TCTN1: variants seen among roughly 807,000 people sequenced by gnomAD.
TCTN1 encodes tectonic-1.
Under a neutral mutation model 65.8 loss-of-function variants are expected in TCTN1, and 58 were observed. That is an observed-to-expected ratio of 0.88 (90% confidence interval 0.71 to 1.10). The LOEUF (loss-of-function observed/expected upper bound fraction) is 1.10, where lower values mean the gene tolerates loss of function less well. Among genes scored for constraint, TCTN1 ranks in the 50% least tolerant of loss-of-function variants. The pLI, the probability that TCTN1 is intolerant of heterozygous loss-of-function variation, is 0.00. For synonymous variants in TCTN1, 273 were observed against 289.1 expected (o/e 0.94, Z 0.57); for missense variants, 645 against 719.4 (o/e 0.90, Z 1.18).
Position 110,644,378 on chromosome 12 carries a change from A to T in TCTN1, c.1332-589A>T, listed in dbSNP as rs2067158860. On this transcript the variant is annotated intron_variant, in intron 11 of 14. Transcript: ENST00000397659. The surrounding 1 kb of genome is among the most constrained non-coding windows in gnomAD (Gnocchi z 4.6). ...GAGAAGATAATGAAACTGGGAAGGA[A>T]TGGAACTGCTCGTGGGGCTGAGAGC... 6.3e-6 allele frequency: 1 copy of T among 159,552 alleles called. No homozygotes were observed. The highest frequency in any genetic ancestry group is 2.4e-5 in the African/African-American group (1 of 41,484). 9.9% of individuals were successfully genotyped at this position (159,552 alleles called of 1,614,324 possible). A position where few individuals can be genotyped will look rare whatever the true frequency, so the allele number is the denominator to read the frequency against.
In TCTN1 at chr12:110,626,455, G is replaced by GA. The variant is rs2065847886; in HGVS notation, c.436dup (p.Ile146AsnfsTer2). 1 of 1,612,484 alleles carries GA rather than the reference G, an allele frequency of 6.2e-7. No homozygotes were observed. Among genetic ancestry groups the GA allele is most frequent in the Admixed American group, 1.7e-5 (1 of 59,950 alleles). ...AAAGAGTATTTGAACTTGTTGACCA[G>GA]ATTAATCCATCTATTTTCTGCATTC... is the stretch of plus-strand genomic sequence containing the variant. On this transcript the variant is annotated frameshift_variant, in exon 3 of 15. Transcript: ENST00000397659. LOFTEE classifies it high-confidence loss of function.
At chr12:110,618,271 C>T (rs1299250120) in intron 1 of TCTN1, among the ~76,000 whole-genome samples, 1 of 151,044 alleles carries the variant, frequency 6.6e-6, no homozygotes, top group East Asian at 2.0e-4. Flanking sequence ...GATGGAGTCT[C>T]GCTCTGTCGC....
At chr12:110,636,577 A>G (rs1425984017) in intron 7 of TCTN1, 76 bp downstream of exon 7, 2 of 914,180 alleles carry the variant, frequency 2.2e-6, no homozygotes, top group Non-Finnish European at 1.7e-6. Flanking sequence ...GCCCTTTTAA[A>G]TGAATACAGT....
At chr12:110,636,608 G>C in intron 7 of TCTN1, 107 bp downstream of exon 7, 1 of 682,618 alleles carries the variant, frequency 1.5e-6, no homozygotes. Context: ...AGGGGACCTT[G>C]TTGCTAATAG....
At position 110,636,485 on chromosome 12, in the gene TCTN1, C is replaced by G; in HGVS notation, c.827C>G (p.Pro276Arg). 7.3e-7 allele frequency: 1 copy of G among 1,369,574 alleles called. No individual in the cohort carries two copies. The highest frequency in any genetic ancestry group is 1.2e-5 in the South Asian group (1 of 85,956). 84.8% of individuals were successfully genotyped at this position (1,369,574 alleles called of 1,614,324 possible). The change falls in exon 7 of 15, where the codon CCT becomes CGT. Residue 276 changes from proline (P) to arginine (R), a missense_variant. Pro to Arg is a moderately radical substitution (Grantham distance 103). Coordinates refer to ENST00000397659, the MANE Select transcript of TCTN1 (RefSeq NM_001082538.3). ...FYSSPEILRV[P>R]DSRKKVPITV... ...TTGTGGTTTCTTTTTATCTAGGTAC[C>G]TGATTCAAGAAAAAAGGTAAGAGTA...
Position 110,644,873 on chromosome 12 carries a change from A to G in TCTN1, c.1332-94A>G. ...AGAGTGAGACCTTATCTCAAAAATA[A>G]ATAAACAAAGGGAAGGAAAGGAAGA... On this transcript the variant is annotated intron_variant, in intron 11 of 14. Transcript: ENST00000397659. This position sits in a 1 kb window ranked among gnomAD's most constrained non-coding sequence, Gnocchi z 4.6. The G allele has an allele frequency of 6.5e-7, 1 of 1,548,090 alleles. No homozygotes were observed. The highest frequency in any genetic ancestry group is 1.7e-5 in the Admixed American group (1 of 59,814).
At chr12:110,648,827 T>C in intron 14 of TCTN1, 7 of 345,354 alleles carry the variant, frequency 2.0e-5, no homozygotes, top group South Asian at 1.6e-4. Context: ...TTTTATTTTA[T>C]ACAGTAGTTG....
chr12:110,614,484 GCTAA>G, intron 1 of TCTN1, 82 bp downstream of exon 1: 2 of 1,546,450 alleles, frequency 1.3e-6, no homozygotes, highest in Non-Finnish European at 1.7e-6. Flanking sequence ...AATAATGATA[GCTAA>G]CTCTTATTGA....
chr12:110,629,555 G>T (rs1444187824), intron 4 of TCTN1: 1 of 152,198 alleles, frequency 6.6e-6, no homozygotes, highest in Non-Finnish European at 1.5e-5. Context: ...ACCATCTCAC[G>T]CCAGTTAGAA....
chr12:110,616,971 T>C (rs1233649664), intron 1 of TCTN1: 2 of 152,264 alleles, frequency 1.3e-5, no homozygotes, highest in Non-Finnish European at 2.9e-5. Flanking sequence ...GCTCAACAGC[T>C]ACTTGGTGGA....
chr12:110,649,170 T>G lies in TCTN1; in HGVS notation c.*129T>G. 1 of 680,422 alleles carries G rather than the reference T, an allele frequency of 1.5e-6. No homozygotes were observed. The highest frequency in any genetic ancestry group is 2.7e-6 in the Non-Finnish European group (1 of 376,608). 42.1% of individuals were successfully genotyped at this position (680,422 alleles called of 1,614,324 possible). ...TGCTCATTTTCAATTAAGGCTAAAG[T>G]GTTCAACATGAGAAAATGTGATACA... On this transcript the variant is annotated 3_prime_UTR_variant, in exon 15 of 15. Coordinates refer to ENST00000397659, the MANE Select transcript of TCTN1 (RefSeq NM_001082538.3).
chr12:110,624,796 G>A (rs929652870), intron 2 of TCTN1, among the ~76,000 whole-genome samples: 4 of 152,140 alleles, frequency 2.6e-5, no homozygotes, highest in Middle Eastern at 3.4e-3. Flanking sequence ...TGGCCAGGCT[G>A]GTCTTGAATG....
chr12:110,628,520 T>C (rs2066003034), intron 3 of TCTN1, among the ~76,000 whole-genome samples: 1 of 152,046 alleles, frequency 6.6e-6, no homozygotes, highest in African/African-American at 2.4e-5. Context: ...TTTGTATTTT[T>C]AGTAGAGACA....
At chr12:110,645,177 A>T (rs760146899) in intron 12 of TCTN1, 48 bp downstream of exon 12, 1 of 1,609,010 alleles carries the variant, frequency 6.2e-7, no homozygotes, top group Non-Finnish European at 8.5e-7. Flanking sequence ...TCTGTCTTCC[A>T]GGTGGTGTGA....
chr12:110,627,964 T>C, intron 3 of TCTN1: 1 of 1,371,488 alleles, frequency 7.3e-7, no homozygotes, highest in Non-Finnish European at 1.0e-6. Context: ...TCTGAAGTGA[T>C]AACTGGCCAG....
Position 110,614,225 on chromosome 12 carries a change from G to T in TCTN1, c.43G>T (p.Gly15Cys). The T allele has an allele frequency of 6.3e-7, 1 of 1,587,158 alleles. No individual in the cohort carries two copies. Among genetic ancestry groups the T allele is most frequent in the Non-Finnish European group, 8.6e-7 (1 of 1,167,696 alleles). The change falls in exon 1 of 15, where the codon GGC (glycine) becomes TGC (cysteine). Residue 15 changes from glycine to cysteine, a missense_variant. Gly to Cys is a radical substitution (Grantham distance 159). Coordinates refer to ENST00000397659, the MANE Select transcript of TCTN1 (RefSeq NM_001082538.3). ...GLPPLLVVLL[G>C]CWASVSAQTD... ...CCCGCCGCTCCTGGTGGTGCTCCTG[G>T]GCTGCTGGGCCTCCGTGAGCGCCCA... is the stretch of plus-strand genomic sequence containing the variant.
intron 1 of TCTN1, among the ~76,000 whole-genome samples, chr12:110,615,180 T>G (rs554829270): frequency 3.3e-4 from 50 of 152,074 alleles, no homozygotes; most frequent in African/African-American, 1.2e-3. Flanking sequence ...CTCGGGAGGC[T>G]GAGGCAGGAG....
rs138445379 is a variant in TCTN1 at position 110,639,880 on chromosome 12, G to A, written c.844-503G>A. ...CCACCGATCTACTTTTCGTCTCTAT[G>A]GGTTTGCCTATTTGGACATTCCGTA... On this transcript the variant is annotated intron_variant, in intron 7 of 14. Transcript: ENST00000397659. The surrounding 1 kb of genome is among the most constrained non-coding windows in gnomAD (Gnocchi z 4.9). Among the ~76,000 whole-genome samples, 99 of 152,230 alleles carry A rather than the reference G, an allele frequency of 6.5e-4. No homozygotes were observed. Among genetic ancestry groups the A allele is most frequent in the African/African-American group, 2.3e-3 (94 of 41,526 alleles).
chr12:110,614,303 G>T lies in TCTN1; in HGVS notation c.121G>T (p.Ala41Ser), dbSNP rs1164612803. The T allele has an allele frequency of 3.7e-6, 6 of 1,601,234 alleles. No individual in the cohort carries two copies. The Admixed American group carries it at 5.2e-5, about 14-fold the overall frequency. ...AGAGGGCCTCAACTCCACCGAGGCA[G>T]CCCTGGCCACCTTCGGAACTTTCCC... ...TTEGLNSTEA[A>S]LATFGTFPST... The change falls in exon 1 of 15, where the codon GCC (alanine) becomes TCC (serine). Residue 41 changes from alanine (A) to serine (S), a missense_variant. By Grantham distance (99) the Ala-to-Ser change is moderately conservative. Coordinates refer to ENST00000397659, the MANE Select transcript of TCTN1 (RefSeq NM_001082538.3).
Sources: gnomAD v4.1 joint callset for allele counts (sites outside exome capture counted in the v4.1 genomes callset) on GRCh38, gnomAD v4.1.1 for gene constraint, Gnocchi (gnomAD v3.1) non-coding constraint, MANE v1.5 for transcripts, NCBI Gene and HGNC (gene_info 2026-07-23, HGNC 2026-07-21) for gene names.